Variants in NOL10 observed in about 807,000 individuals in gnomAD.
The protein encoded by NOL10 is H_NH0074G24.1.
A neutral mutation model predicts 103.5 loss-of-function variants in NOL10; 58 were observed. The observed-to-expected ratio is 0.56, with a 90% CI of 0.45 to 0.70. NOL10 has a LOEUF of 0.70. Among genes scored for constraint, NOL10 ranks in the 30% least tolerant of loss-of-function variants. NOL10 has a pLI of 0.00. For synonymous variants in NOL10, 287 were observed against 282.5 expected (o/e 1.02, Z -0.16); for missense variants, 763 against 807.3 (o/e 0.95, Z 0.67).
At chr2:10,614,156 C>T (rs926349003) in intron 13 of NOL10, among the ~76,000 whole-genome samples, 3 of 152,128 alleles carry the variant, frequency 2.0e-5, no homozygotes, top group Non-Finnish European at 2.9e-5. Flanking sequence ...GACAGTGTTT[C>T]ACCACGTTGG....
At chr2:10,675,668 A>C (rs1681258185) in intron 4 of NOL10, 126 bp downstream of exon 4, 1 of 580,900 alleles carries the variant, frequency 1.7e-6, no homozygotes. Flanking sequence ...AGCCATCGGG[A>C]TTGTAGTACA....
intron 14 of NOL10, among the ~76,000 whole-genome samples, chr2:10,603,862 C>A (rs574372121): frequency 1.0e-3 from 152 of 152,258 alleles, no homozygotes; most frequent in African/African-American, 3.6e-3. Flanking sequence ...AATATTGACA[C>A]AGAAAAAGAC....
rs139735461 is a variant in NOL10 at position 10,666,664 on chromosome 2, A to G, written c.591+554T>C. 4.6e-5 allele frequency among the ~76,000 whole-genome samples: 7 copies of G among 151,192 alleles called. No individual in the cohort carries two copies. In the East Asian group the frequency reaches 9.7e-4, roughly 21 times the overall value. On this transcript the variant is annotated intron_variant, in intron 8 of 20. Transcript: ENST00000381685. ...AATTAGTTTAGCATCGTAAGTAATT[A>G]TAAGTACCAATAAGATGTATATTAT...
At chr2:10,592,495 G>C (rs897642954) in intron 17 of NOL10, among the ~76,000 whole-genome samples, 1 of 152,116 alleles carries the variant, frequency 6.6e-6, no homozygotes, top group South Asian at 2.1e-4. Context: ...TCAGGAGAAG[G>C]GAGGGGGCTA....
intron 12 of NOL10, among the ~76,000 whole-genome samples, chr2:10,647,441 C>T (rs1399324364): frequency 6.6e-6 from 1 of 152,240 alleles, no homozygotes; most frequent in Non-Finnish European, 1.5e-5. Context: ...ACTGCAGTGA[C>T]AACCAAATGT....
chr2:10,639,840 AAAAAAT>A (rs1366129984), intron 13 of NOL10, among the ~76,000 whole-genome samples: 1 of 152,210 alleles, frequency 6.6e-6, no homozygotes, highest in African/African-American at 2.4e-5. Context: ...GAGAGAATTA[AAAAAAT>A]AAAAATAAAA....
intron 13 of NOL10, among the ~76,000 whole-genome samples, chr2:10,628,983 C>T (rs1262569637): frequency 6.6e-6 from 1 of 151,640 alleles, no homozygotes; most frequent in Non-Finnish European, 1.5e-5. Flanking sequence ...GAGAAAGGCC[C>T]TCTCATCTCA....
chr2:10,680,279 GAA>G (rs1681646498), intron 3 of NOL10, among the ~76,000 whole-genome samples: 1 of 134,680 alleles, frequency 7.4e-6, no homozygotes, highest in African/African-American at 3.0e-5. Context: ...TCTTAAAAAA[GAA>G]GGAGAAGAAG....
chr2:10,667,172 A>AT, intron 8 of NOL10, 46 bp downstream of exon 8: 14 of 1,408,664 alleles, frequency 9.9e-6, no homozygotes, highest in Non-Finnish European at 1.4e-5. Context: ...AATTCCAATC[A>AT]AATATAAAAC....
chr2:10,681,105 T>A (rs1330546628), intron 3 of NOL10, among the ~76,000 whole-genome samples: 1 of 152,150 alleles, frequency 6.6e-6, no homozygotes, highest in African/African-American at 2.4e-5. Context: ...ATTCCACTCC[T>A]AGGTATTCAC....
intron 13 of NOL10, among the ~76,000 whole-genome samples, chr2:10,626,404 G>C (rs1344078527): frequency 6.6e-6 from 1 of 152,126 alleles, no homozygotes; most frequent in East Asian, 1.9e-4. Context: ...CTGAATCAAA[G>C]TAGAGATGGT....
chr2:10,589,290 C>T lies in NOL10; in HGVS notation c.1597G>A (p.Glu533Lys). ...TTTCCTTCCGGCTCTTCCTCCTCTT[C>T]CTGAGAATAAAAATAGTAAGCAGCA... The part of the protein sequence containing the change: ...LLEQQELREK[E>K]EEEEPEGKPS... Residue 533 changes from glutamate (E) to lysine (K), a missense_variant and splice_region_variant, in exon 19 of 21, where the codon GAA (glutamate) becomes AAA (lysine). Transcript: ENST00000381685. 1 of 1,613,262 alleles carries T rather than the reference C, an allele frequency of 6.2e-7. No homozygotes were observed. Among genetic ancestry groups the T allele is most frequent in the Non-Finnish European group, 8.5e-7 (1 of 1,179,810 alleles).
intron 13 of NOL10, among the ~76,000 whole-genome samples, chr2:10,622,621 G>A (rs746518560): frequency 3.3e-5 from 5 of 152,082 alleles, no homozygotes; most frequent in Non-Finnish European, 4.4e-5. Flanking sequence ...GTAAAGGAGC[G>A]GAGACCCAGC....
At chr2:10,605,435 G>T (rs1468624962) in intron 14 of NOL10, among the ~76,000 whole-genome samples, 1 of 151,972 alleles carries the variant, frequency 6.6e-6, no homozygotes, top group African/African-American at 2.4e-5. Context: ...TATATTATGG[G>T]GAAATGATAA....
At chr2:10,660,420 A>T (rs1048582363) in intron 9 of NOL10, among the ~76,000 whole-genome samples, 1 of 152,038 alleles carries the variant, frequency 6.6e-6, no homozygotes, top group Non-Finnish European at 1.5e-5. Flanking sequence ...CGGTTCAAGC[A>T]ATTCTCCTGC....
chr2:10,635,550 T>TA (rs1395585659), intron 13 of NOL10, among the ~76,000 whole-genome samples: 8 of 152,106 alleles, frequency 5.3e-5, no homozygotes, highest in Non-Finnish European at 8.8e-5. Context: ...AATATCTACA[T>TA]AAAAAAGAGA....
At chr2:10,620,818 T>C (rs560753884) in intron 13 of NOL10, among the ~76,000 whole-genome samples, 2 of 152,252 alleles carry the variant, frequency 1.3e-5, no homozygotes, top group Non-Finnish European at 2.9e-5. Flanking sequence ...GTTTTTGAGA[T>C]AGAGTTTTGC....
chr2:10,681,228 G>A (rs367643037), intron 3 of NOL10, among the ~76,000 whole-genome samples: 2 of 152,058 alleles, frequency 1.3e-5, no homozygotes, highest in Non-Finnish European at 2.9e-5. Context: ...TCATCACATG[G>A]AGAATGGGTA....
intron 17 of NOL10, chr2:10,590,898 A>C (rs1397690003): frequency 6.6e-6 from 1 of 152,222 alleles, no homozygotes; most frequent in Admixed American, 6.5e-5. Flanking sequence ...TGTCAATCAG[A>C]GTAAACAGCC....
Sources: allele counts gnomAD v4.1 joint callset (sites outside exome capture counted in the v4.1 genomes callset), GRCh38; gene constraint gnomAD v4.1.1; transcripts MANE v1.5; gene names NCBI Gene and HGNC (gene_info 2026-07-23, HGNC 2026-07-21).